TEK: variants seen among roughly 807,000 people sequenced by gnomAD.
TEK encodes the protein TEK receptor tyrosine kinase.
A neutral mutation model predicts 131.8 loss-of-function variants in TEK; 43 were observed. The observed-to-expected ratio is 0.33, with a 90% CI of 0.26 to 0.42. The LOEUF is 0.42. Ranked by LOEUF, TEK falls within the 10% of genes least tolerant of loss-of-function variation. The pLI, the probability that TEK is intolerant of heterozygous loss-of-function variation, is 1.00. For missense variants in TEK, 1,162 were observed against 1,384.4 expected (o/e 0.84, Z 2.55); for synonymous variants, 580 against 491.6 (o/e 1.18, Z -2.38).
At chr9:27,220,431 A>ATCCCC (rs1826014957) in intron 21 of TEK, among the ~76,000 whole-genome samples, 1 of 152,220 alleles carries the variant, frequency 6.6e-6, no homozygotes, top group African/African-American at 2.4e-5. Flanking sequence ...CAAATTCTTT[A>ATCCCC]AACATACAAC....
chr9:27,129,058 T>G (rs112716350), intron 1 of TEK, among the ~76,000 whole-genome samples: 2,670 of 152,306 alleles, frequency 0.018, 74 homozygotes, highest in African/African-American at 0.061. Flanking sequence ...TGTGCTGATT[T>G]TCAAAGGGAA....
chr9:27,173,081 GGT>G, intron 5 of TEK, 139 bp from the exon 6 acceptor site: 1 of 1,079,338 alleles, frequency 9.3e-7, no homozygotes, highest in Non-Finnish European at 1.4e-6. Flanking sequence ...GGGCCATAAG[GGT>G]ATGTTCATCC....
intron 1 of TEK, among the ~76,000 whole-genome samples, chr9:27,130,705 T>G (rs1276560575): frequency 6.8e-6 from 1 of 148,020 alleles, no homozygotes; most frequent in Admixed American, 6.9e-5. Context: ...GCCTCCTGAG[T>G]AGCTGGGATT....
intron 18 of TEK, among the ~76,000 whole-genome samples, chr9:27,217,409 G>A (rs75784646): frequency 0.019 from 2,893 of 152,238 alleles, 79 homozygotes; most frequent in African/African-American, 0.066. Context: ...GCCTCGGAGT[G>A]CCTCTGAGGG....
At chr9:27,228,579 A>T (rs1826430925) in intron 22 of TEK, among the ~76,000 whole-genome samples, 1 of 152,080 alleles carries the variant, frequency 6.6e-6, no homozygotes, top group Non-Finnish European at 1.5e-5. Context: ...ATATAGCCTG[A>T]CCCTTTAATT....
At position 27,185,532 on chromosome 9, in the gene TEK, C is replaced by A; in HGVS notation, c.1230C>A (p.Thr410=). 6.2e-7 allele frequency: 1 copy of A among 1,613,796 alleles called. No homozygotes were observed. Among genetic ancestry groups the A allele is most frequent in the Non-Finnish European group, 8.5e-7 (1 of 1,179,802 alleles). The change falls in exon 9 of 23, where the codon ACC becomes ACA. Residue 410 remains threonine, a synonymous_variant. Transcript: ENST00000380036. ...ATCATTTCTCAGTAGCCATATTCAC[C>A]ATCCACCGGATCCTCCCCCCTGACT... The part of the protein sequence containing the change: ...HTDHFSVAIF[T]IHRILPPDSG...
At position 27,206,654 on chromosome 9, in the gene TEK, C is replaced by T; in HGVS notation, c.2437C>T (p.Pro813Ser). The change falls in exon 15 of 23, where the codon CCT becomes TCT. Residue 813 changes from proline to serine, a missense_variant. Transcript: ENST00000380036. ...LNRKVKNNPDPTIYPVLDWND... is the reference protein window; with the variant it reads ...LNRKVKNNPDSTIYPVLDWND... ...CAGGAAGGTCAAAAACAACCCAGAT[C>T]CTACAATTTATCCAGTGCTTGACTG... 6.2e-7 allele frequency: 1 copy of T among 1,613,996 alleles called. No individual in the cohort carries two copies. Among genetic ancestry groups the T allele is most frequent in the Non-Finnish European group, 8.5e-7 (1 of 1,179,988 alleles).
At chr9:27,218,300 A>G (rs1299475684) in intron 19 of TEK, among the ~76,000 whole-genome samples, 2 of 151,790 alleles carry the variant, frequency 1.3e-5, no homozygotes, top group Admixed American at 1.3e-4. Context: ...ATGTCTGGGC[A>G]TGAGGAGGGG....
chr9:27,116,352 G>A (rs1214737363), intron 1 of TEK, among the ~76,000 whole-genome samples: 1 of 152,040 alleles, frequency 6.6e-6, no homozygotes, highest in Non-Finnish European at 1.5e-5. Flanking sequence ...GCAGTGGCAC[G>A]ATCTTGGCTC....
intron 9 of TEK, among the ~76,000 whole-genome samples, chr9:27,189,725 A>G (rs1433343376): frequency 1.3e-5 from 2 of 152,150 alleles, no homozygotes; most frequent in Admixed American, 1.3e-4. Context: ...AAGAACAAGG[A>G]AACAGATGGT....
At chr9:27,113,284 G>T (rs375644376) in intron 1 of TEK, among the ~76,000 whole-genome samples, 1 of 152,118 alleles carries the variant, frequency 6.6e-6, no homozygotes, top group Admixed American at 6.5e-5. Context: ...TAGCCAGTGA[G>T]AACTCTCTTA....
chr9:27,218,130 T>TTGGGGTG (rs9298888), intron 19 of TEK, among the ~76,000 whole-genome samples: 1 of 139,514 alleles, frequency 7.2e-6, no homozygotes, highest in East Asian at 2.5e-4. Context: ...GGCCAGACAG[T>TTGGGGTG]GGCGGGGGTC....
intron 10 of TEK, among the ~76,000 whole-genome samples, chr9:27,191,340 CA>C (rs1824815546): frequency 6.6e-6 from 1 of 152,066 alleles, no homozygotes; most frequent in South Asian, 2.1e-4. Context: ...TTCATGAAAA[CA>C]GTTGAATTTA....
intron 1 of TEK, among the ~76,000 whole-genome samples, chr9:27,132,354 A>T (rs967440213): frequency 3.9e-5 from 6 of 151,986 alleles, no homozygotes; most frequent in African/African-American, 1.4e-4. Context: ...CGAAAGTGTG[A>T]TTTTTTTATT....
intron 2 of TEK, among the ~76,000 whole-genome samples, chr9:27,162,601 G>C (rs1232693293): frequency 1.3e-5 from 2 of 152,164 alleles, no homozygotes; most frequent in Non-Finnish European, 2.9e-5. Flanking sequence ...AATTTACGAA[G>C]TTGTTAGAGA....
At chr9:27,154,558 G>A (rs1213050086) in intron 1 of TEK, among the ~76,000 whole-genome samples, 2 of 152,176 alleles carry the variant, frequency 1.3e-5, no homozygotes, top group Non-Finnish European at 2.9e-5. Flanking sequence ...GGTCATCGTT[G>A]TTCTTCTTTT....
At chr9:27,151,647 G>A (rs7862217) in intron 1 of TEK, among the ~76,000 whole-genome samples, 32,037 of 151,960 alleles carry the variant, frequency 0.21, 3,665 homozygotes, top group Admixed American at 0.25. Flanking sequence ...CTTAGTACCT[G>A]TCTGTATTTA....
intron 6 of TEK, among the ~76,000 whole-genome samples, chr9:27,179,361 C>G (rs1194391763): frequency 6.6e-6 from 1 of 152,122 alleles, no homozygotes; most frequent in Non-Finnish European, 1.5e-5. Flanking sequence ...ATGAACATAT[C>G]TTCTTTTACC....
intron 1 of TEK, among the ~76,000 whole-genome samples, chr9:27,148,044 T>C (rs1458799773): frequency 6.9e-6 from 1 of 145,738 alleles, no homozygotes; most frequent in Non-Finnish European, 1.6e-5. Context: ...TAGATTGCTA[T>C]GAGGATTGAG....
Sources: gnomAD v4.1 joint callset for allele counts (sites outside exome capture counted in the v4.1 genomes callset) on GRCh38, gnomAD v4.1.1 for gene constraint, MANE v1.5 for transcripts, NCBI Gene and HGNC (gene_info 2026-07-23, HGNC 2026-07-21) for gene names.